ATAD3B: variants seen among roughly 807,000 people sequenced by gnomAD.
ATAD3B encodes ATPase family AAA domain containing 3B.
In ATAD3B, 59 loss-of-function variants were observed where a neutral mutation model predicts 70.2. The ratio of observed to expected loss-of-function variants is 0.84; its 90% CI spans 0.68 to 1.04. ATAD3B has a LOEUF of 1.04. Ranked by LOEUF, ATAD3B falls within the 50% of genes least tolerant of loss-of-function variation. The probability of loss-of-function intolerance (pLI) is 0.00; values close to 1 mark genes in which losing one functional copy is unlikely to be tolerated. For synonymous variants in ATAD3B, 423 were observed against 388.6 expected (o/e 1.09, Z -1.04); for missense variants, 961 against 913.4 (o/e 1.05, Z -0.67).
rs2862157 is a variant in ATAD3B, at chr1:1,482,732, A to G, written c.750+118A>G. 184 of 1,525,548 alleles carry G rather than the reference A, an allele frequency of 1.2e-4. 2 individuals are homozygous for G. The African/African-American group carries it at 1.6e-3, about 13-fold the overall frequency. 94.5% of individuals were successfully genotyped at this position (1,525,548 alleles called of 1,614,324 possible). ...CACAGCCCTGTAGCTCTCCCAGCAC[A>G]GAGCAAACCCACGTTGTACCTGCTG... On this transcript the variant is annotated intron_variant, in intron 7 of 15. Coordinates refer to ENST00000673477, the MANE Select transcript of ATAD3B (RefSeq NM_031921.6).
At chr1:1,502,462 C>A (rs538456505), downstream of ATAD3B, among the ~76,000 whole-genome samples, 1 of 149,874 alleles carries the variant, frequency 6.7e-6, no homozygotes, top group Non-Finnish European at 1.5e-5. Flanking sequence ...CCCGTCTCGG[C>A]CTCCCAAAGT....
the ATAD3B span, chr1:1,509,163 G>A: frequency 6.2e-7 from 1 of 1,602,786 alleles, no homozygotes; most frequent in Non-Finnish European, 8.5e-7. Context: ...GGGGTGGGGG[G>A]TTCCCATGGC....
chr1:1,498,298 C>T (rs1223021017), downstream of ATAD3B, among the ~76,000 whole-genome samples: 12 of 151,294 alleles, frequency 7.9e-5, no homozygotes, highest in South Asian at 6.3e-4. Flanking sequence ...AGTGAAACTC[C>T]GTCTCAAATA....
intron 13 of ATAD3B, 27 bp from the exon 14 acceptor site, chr1:1,490,230 G>C: frequency 6.2e-7 from 1 of 1,603,120 alleles, no homozygotes; most frequent in Non-Finnish European, 8.5e-7. Flanking sequence ...CAGCCCCAGC[G>C]TTTCCTTCCC....
intron 2 of ATAD3B, chr1:1,478,302 A>G: frequency 1.0e-6 from 1 of 982,866 alleles, no homozygotes. Context: ...CGGCCCACTC[A>G]GCAGGATTCC....
At position 1,484,850 on chromosome 1, in the gene ATAD3B, G is replaced by T. The variant is rs1050296362; in HGVS notation, c.751-166G>T. The T allele has an allele frequency of 5.2e-5, 73 of 1,410,558 alleles. No homozygotes were observed. In the East Asian group the frequency reaches 1.8e-3, roughly 35 times the overall value. The allele number at this position is 1,410,558 out of a possible 1,614,324, so 87.4% of individuals were successfully genotyped here. A position where few individuals can be genotyped will look rare whatever the true frequency, so the allele number is the denominator to read the frequency against. ...TGCCCCACCTGCCTCCTGTAACCGC[G>T]TGGCTGTGGGATTCGGGGCTGGGAA... is the stretch of plus-strand genomic sequence containing the variant. On this transcript the variant is annotated intron_variant, in intron 7 of 15. Coordinates refer to ENST00000673477, the MANE Select transcript of ATAD3B (RefSeq NM_031921.6).
rs1248529517 is a variant in ATAD3B, at chr1:1,479,823, T to C, written c.444+715T>C. ...GGCCCGCTCACACAGCCCACACACA[T>C]ACCCCTTCACACAGGCACACACCGC... On this transcript the variant is annotated intron_variant, in intron 4 of 15. Transcript: ENST00000673477. Among the ~76,000 whole-genome samples the C allele has an allele frequency of 2.1e-4, 23 of 111,014 alleles. 1 individual carries two copies. Among genetic ancestry groups the C allele is most frequent in the Admixed American group, 2.0e-3 (21 of 10,520 alleles). The allele number at this position is 111,014 out of a possible 152,430, so 72.8% of individuals were successfully genotyped here.
downstream of ATAD3B, among the ~76,000 whole-genome samples, chr1:1,498,074 G>A (rs552597819): frequency 6.6e-6 from 1 of 151,904 alleles, no homozygotes; most frequent in Non-Finnish European, 1.5e-5. Context: ...AGGCTGAGGC[G>A]GGTGGATCAC....
chr1:1,498,149 C>T (rs911967691), downstream of ATAD3B, among the ~76,000 whole-genome samples: 56 of 148,616 alleles, frequency 3.8e-4, no homozygotes, highest in African/African-American at 1.3e-3. Flanking sequence ...ATTAAAAATA[C>T]GAAAGTTAGC....
chr1:1,495,487 CA>C lies in ATAD3B; in HGVS notation c.1618del (p.Thr540ArgfsTer14). The C allele has an allele frequency of 6.2e-7, 1 of 1,601,658 alleles. No homozygotes were observed. The highest frequency in any genetic ancestry group is 8.5e-7 in the Non-Finnish European group (1 of 1,171,630). On this transcript the variant is annotated frameshift_variant, in exon 16 of 16. Coordinates refer to ENST00000673477, the MANE Select transcript of ATAD3B (RefSeq NM_031921.6). LOFTEE classifies it low-confidence loss of function (END_TRUNC). ...IAQLAVSWQA[T>X]AYASKDGVLT... ...TCAGCTCCCTCTCTCTTCACTAGGC[CA>C]CGGCATATGCCTCCAAGGACGGGGT...
In ATAD3B at chr1:1,490,357, G is replaced by A; in HGVS notation, c.1438G>A (p.Glu480Lys). 2 of 1,613,438 alleles carry A rather than the reference G, an allele frequency of 1.2e-6. No homozygotes were observed. Among genetic ancestry groups the A allele is most frequent in the Non-Finnish European group, 1.7e-6 (2 of 1,179,664 alleles). The change falls in exon 14 of 16, where the codon GAG becomes AAG. Residue 480 changes from glutamate (E) to lysine (K), a missense_variant. Glu to Lys is a moderately conservative substitution (Grantham distance 56). This residue lies in a region of ATAD3B where 417 missense variants were observed against 335.0 expected (regional missense o/e 1.24). Transcript: ENST00000673477. The stretch of plus-strand genomic sequence containing the variant: ...CCACTTCGACCTGCCGCAGCAGGAG[G>A]AGCGGGAGCGCCTGGTGAGACTGCA... ...MVHFDLPQQE[E>K]RERLVRLHFD...
chr1:1,493,407 C>G (rs1486500919), intron 15 of ATAD3B, among the ~76,000 whole-genome samples: 1 of 151,872 alleles, frequency 6.6e-6, no homozygotes, highest in African/African-American at 2.4e-5. Context: ...AGGGCATGTT[C>G]TTCAATCCTG....
intron 15 of ATAD3B, among the ~76,000 whole-genome samples, chr1:1,493,891 G>A (rs1165911301): frequency 6.6e-6 from 1 of 151,924 alleles, no homozygotes; most frequent in Non-Finnish European, 1.5e-5. Context: ...TTCTCTTGTG[G>A]TGTGTTTGTC....
At chr1:1,501,988 C>T (rs1256900812), downstream of ATAD3B, among the ~76,000 whole-genome samples, 3 of 152,060 alleles carry the variant, frequency 2.0e-5, no homozygotes, top group East Asian at 5.8e-4. Flanking sequence ...AAGCAATTCT[C>T]CTGGCTCAGC....
At chr1:1,488,677 T>G (rs1431605709) in intron 12 of ATAD3B, among the ~76,000 whole-genome samples, 1 of 151,832 alleles carries the variant, frequency 6.6e-6, no homozygotes, top group African/African-American at 2.4e-5. Context: ...GAGAATCGCT[T>G]GAACCCAGGA....
intron 1 of ATAD3B, among the ~76,000 whole-genome samples, chr1:1,473,089 T>C (rs1240737): frequency 0.32 from 46,341 of 146,764 alleles, 13,199 homozygotes; most frequent in African/African-American, 0.73. Context: ...TCCTGAAGTG[T>C]TGGGATTACA....
chr1:1,478,704 A>G lies in ATAD3B; in HGVS notation c.343A>G (p.Arg115Gly). The G allele has an allele frequency of 6.5e-7, 1 of 1,536,990 alleles. No individual in the cohort carries two copies. Among genetic ancestry groups the G allele is most frequent in the Non-Finnish European group, 8.8e-7 (1 of 1,140,920 alleles). The change falls in exon 3 of 16, where the codon AGG becomes GGG. Residue 115 changes from arginine (R) to glycine (G), a missense_variant. Coordinates refer to ENST00000673477, the MANE Select transcript of ATAD3B (RefSeq NM_031921.6). Reference protein sequence around the residue: ...SEQIRAQAEERRKTLSEETRQ... With the variant: ...SEQIRAQAEEGRKTLSEETRQ... ...GCAGATCCGGGCGCAGGCTGAGGAG[A>G]GGAGGAAGACCCTGAGCGAGGAGAC...
intron 5 of ATAD3B, among the ~76,000 whole-genome samples, chr1:1,481,176 CTTT>C (rs1217771354): frequency 9.0e-6 from 1 of 110,672 alleles, no homozygotes; most frequent in Non-Finnish European, 1.8e-5. Context: ...GTACAGGGGC[CTTT>C]TTTTTTTTTT....
rs375213043 is a variant in ATAD3B at position 1,490,524 on chromosome 1, C to T, written c.1506-39C>T. On this transcript the variant is annotated intron_variant, in intron 14 of 15. Coordinates refer to ENST00000673477, the MANE Select transcript of ATAD3B (RefSeq NM_031921.6). The stretch of plus-strand genomic sequence containing the variant: ...GGCCTCCACCTCATGGTGTGGGGTC[C>T]GCGGCCTTGGCTGCCTCACTTGGGA... 45 of 1,610,656 alleles carry T rather than the reference C, an allele frequency of 2.8e-5. 1 individual carries two copies. The highest frequency in any genetic ancestry group is 2.0e-4 in the East Asian group (9 of 44,782).
Sources: allele counts gnomAD v4.1 joint callset (sites outside exome capture counted in the v4.1 genomes callset), GRCh38; gene constraint gnomAD v4.1.1; regional missense constraint gnomAD v4.1.1; transcripts MANE v1.5; gene names NCBI Gene and HGNC (gene_info 2026-07-23, HGNC 2026-07-21).